The following FARS2 variants were observed in gnomAD, a reference collection of about 807,000 sequenced individuals.
The protein encoded by FARS2 is phenylalanine--tRNA ligase, mitochondrial.
Under a neutral mutation model 46.4 loss-of-function variants are expected in FARS2, and 40 were observed. That is an observed-to-expected ratio of 0.86 (90% CI 0.67 to 1.12). The LOEUF is 1.12. Ranked by LOEUF, FARS2 falls within the 50% of genes most tolerant of loss-of-function variation. FARS2 has a pLI of 0.00. For missense variants in FARS2, 513 were observed against 567.9 expected, an observed-to-expected ratio of 0.90 and a Z score of 0.98; for synonymous variants, 234 against 214.9, an observed-to-expected ratio of 1.09 and a Z score of -0.78.
intron 1 of FARS2, among the ~76,000 whole-genome samples, chr6:5,278,054 A>G (rs1219203085): frequency 6.6e-6 from 1 of 152,174 alleles, no homozygotes; most frequent in Non-Finnish European, 1.5e-5. Flanking sequence ...CTAAATTATC[A>G]TCTCACATAA....
intron 5 of FARS2, among the ~76,000 whole-genome samples, chr6:5,563,340 T>C (rs547209079): frequency 2.0e-5 from 3 of 152,152 alleles, no homozygotes; most frequent in South Asian, 4.2e-4. Context: ...CAGGAACATG[T>C]GGGGAAAGGA....
chr6:5,545,175 C>T lies in FARS2; in HGVS notation c.905-5C>T, dbSNP rs1386174055. 2.5e-6 allele frequency: 4 copies of T among 1,613,572 alleles called. No homozygotes were observed. Among genetic ancestry groups the T allele is most frequent in the Admixed American group, 1.7e-5 (1 of 59,964 alleles). Reference sequence around the variant, plus strand: ...AAAAACAACTATTTTGTTTCCTAATCACAGCTGGTGCTCAAGACCGAATCG... The same window carrying T: ...AAAAACAACTATTTTGTTTCCTAATTACAGCTGGTGCTCAAGACCGAATCG... On this transcript the variant is annotated splice_polypyrimidine_tract_variant and splice_region_variant and intron_variant, in intron 4 of 6. Coordinates refer to ENST00000274680, the MANE Select transcript of FARS2 (RefSeq NM_006567.5).
intron 3 of FARS2, among the ~76,000 whole-genome samples, chr6:5,423,139 T>C (rs1762651655): frequency 6.6e-6 from 1 of 152,158 alleles, no homozygotes; most frequent in South Asian, 2.1e-4. Context: ...TGCCTCTCTG[T>C]GTAGCCTGCA....
chr6:5,473,320 A>G (rs1386345410), intron 4 of FARS2, among the ~76,000 whole-genome samples: 1 of 151,692 alleles, frequency 6.6e-6, no homozygotes, highest in Non-Finnish European at 1.5e-5. Flanking sequence ...AGGTCAGGAG[A>G]TTGAGACCAT....
At position 5,284,637 on chromosome 6, in the gene FARS2, G is replaced by A. The variant is rs551404462; in HGVS notation, c.-22+22977G>A. ...TTCAGAGATCACCAGTCGCCTTCTG[G>A]TGATTACATTAACACTCCCTCACCT... On this transcript the variant is annotated intron_variant, in intron 1 of 6. Transcript: ENST00000274680. Among the ~76,000 whole-genome samples, 313 of 152,214 alleles carry A rather than the reference G, an allele frequency of 2.1e-3. 2 individuals carry two copies. The highest frequency in any genetic ancestry group is 7.3e-3 in the African/African-American group (304 of 41,540).
chr6:5,261,743 C>T (rs546974809), intron 1 of FARS2, 83 bp downstream of exon 1: 2 of 152,368 alleles, frequency 1.3e-5, no homozygotes, highest in East Asian at 3.9e-4. Context: ...TGGATTTTTT[C>T]CTCTTTCCGG....
At chr6:5,747,458 G>A (rs979101183) in intron 6 of FARS2, among the ~76,000 whole-genome samples, 2 of 152,222 alleles carry the variant, frequency 1.3e-5, no homozygotes, top group African/African-American at 2.4e-5. Context: ...GATATGTTTT[G>A]GAGATGGAGC....
At chr6:5,286,675 A>G (rs1309920894) in intron 1 of FARS2, among the ~76,000 whole-genome samples, 1 of 152,214 alleles carries the variant, frequency 6.6e-6, no homozygotes, top group African/African-American at 2.4e-5. Context: ...ATACATAATT[A>G]TATTCAATGC....
chr6:5,504,547 A>C (rs896157100), intron 4 of FARS2, among the ~76,000 whole-genome samples: 7 of 152,092 alleles, frequency 4.6e-5, no homozygotes, highest in Admixed American at 3.9e-4. Context: ...GTGTGGACTT[A>C]ACAGAAACAT....
chr6:5,597,553 G>A (rs1252289570), intron 5 of FARS2, among the ~76,000 whole-genome samples: 2 of 152,146 alleles, frequency 1.3e-5, no homozygotes, highest in Non-Finnish European at 2.9e-5. Flanking sequence ...GCTCAGAGCC[G>A]GCCATTTCTC....
intron 6 of FARS2, among the ~76,000 whole-genome samples, chr6:5,757,617 G>A (rs747407011): frequency 3.3e-5 from 5 of 152,182 alleles, no homozygotes; most frequent in East Asian, 1.9e-4. Context: ...GACGTTGACC[G>A]CAAACGTCAG....
chr6:5,710,695 G>A (rs922761843), intron 6 of FARS2, among the ~76,000 whole-genome samples: 1 of 152,226 alleles, frequency 6.6e-6, no homozygotes, highest in African/African-American at 2.4e-5. Flanking sequence ...TGCCAGACAG[G>A]CAAGAGCTGC....
chr6:5,632,471 A>C (rs1582632000), intron 6 of FARS2, among the ~76,000 whole-genome samples: 1 of 151,862 alleles, frequency 6.6e-6, no homozygotes, highest in East Asian at 1.9e-4. Flanking sequence ...ACTTAATGTA[A>C]CGACCACCGC....
chr6:5,398,683 C>T (rs970938220), intron 2 of FARS2, among the ~76,000 whole-genome samples: 5 of 152,046 alleles, frequency 3.3e-5, no homozygotes, highest in African/African-American at 1.2e-4. Flanking sequence ...ATACATATAC[C>T]TACTTCTATT....
intron 6 of FARS2, among the ~76,000 whole-genome samples, chr6:5,711,260 C>T (rs990427043): frequency 2.6e-5 from 4 of 151,228 alleles, no homozygotes; most frequent in Non-Finnish European, 5.9e-5. Flanking sequence ...AAAATCCATC[C>T]GATTATACCA....
chr6:5,415,825 G>A (rs1388753685), intron 3 of FARS2, among the ~76,000 whole-genome samples: 1 of 152,158 alleles, frequency 6.6e-6, no homozygotes, highest in Non-Finnish European at 1.5e-5. Flanking sequence ...GCCCACTTCA[G>A]CCTCCCAAGT....
chr6:5,264,301 C>T (rs549111717), intron 1 of FARS2, among the ~76,000 whole-genome samples: 32 of 152,158 alleles, frequency 2.1e-4, no homozygotes, highest in Admixed American at 1.6e-3. Flanking sequence ...TTCTACACCA[C>T]ACATGAATCC....
intron 6 of FARS2, among the ~76,000 whole-genome samples, chr6:5,718,611 A>AT (rs1023217646): frequency 2.1e-4 from 32 of 150,162 alleles, no homozygotes; most frequent in South Asian, 6.3e-4. Flanking sequence ...ATGCAAGCTC[A>AT]TTTTTTTTTT....
intron 6 of FARS2, among the ~76,000 whole-genome samples, chr6:5,675,199 G>GACAC (rs3057239): frequency 0.011 from 1,614 of 145,036 alleles, 25 homozygotes; most frequent in African/African-American, 0.033. Flanking sequence ...TTTGCAGATA[G>GACAC]ACACACACAC....
Sources: gnomAD v4.1 joint callset for allele counts (sites outside exome capture counted in the v4.1 genomes callset) on GRCh38, gnomAD v4.1.1 for gene constraint, MANE v1.5 for transcripts, NCBI Gene and HGNC (gene_info 2026-07-23, HGNC 2026-07-21) for gene names.